Variants in IAH1 observed in about 807,000 individuals in gnomAD.
IAH1 encodes the protein isoamyl acetate hydrolyzing esterase 1 (putative), also known as isoamyl acetate-hydrolyzing esterase 1 homolog.
In IAH1, 24 loss-of-function variants were observed where a neutral mutation model predicts 26.7. That is an observed-to-expected ratio of 0.90 (90% CI 0.65 to 1.26). IAH1 has a LOEUF of 1.26. Among genes scored for constraint, IAH1 ranks in the 50% most tolerant of loss-of-function variants. The pLI is 0.00. For missense variants in IAH1, 300 were observed against 299.9 expected, an observed-to-expected ratio of 1.00 and a Z score of 0.00; for synonymous variants, 140 against 118.5, an observed-to-expected ratio of 1.18 and a Z score of -1.18.
chr2:9,501,823 A>T, the IAH1 span, among the ~76,000 whole-genome samples: 4 of 152,198 alleles, frequency 2.6e-5, no homozygotes, highest in Non-Finnish European at 5.9e-5. Flanking sequence ...TGAATTTTTT[A>T]AAAGTAAATT....
In IAH1 at chr2:9,481,415, A is replaced by G. The variant is rs758101881; in HGVS notation, c.413A>G (p.Glu138Gly). ...VILITPTPLCETAWEEQCIIQ... is the reference protein window; with the variant it reads ...VILITPTPLCGTAWEEQCIIQ... ...CTCATCACGCCGACCCCACTTTGTG[A>G]AACAGCCTGGGAAGAACAGTGCATC... The change falls in exon 4 of 6, where the codon GAA becomes GGA. Residue 138 changes from glutamate to glycine, a missense_variant. By Grantham distance (98) the Glu-to-Gly change is moderately conservative (BLOSUM62 -2). Transcript: ENST00000497473. 1.2e-6 allele frequency: 2 copies of G among 1,614,192 alleles called. No homozygotes were observed. The highest frequency in any genetic ancestry group is 1.7e-6 in the Non-Finnish European group (2 of 1,180,026).
chr2:9,477,858 A>G (rs914068177), intron 2 of IAH1, among the ~76,000 whole-genome samples: 1 of 152,222 alleles, frequency 6.6e-6, no homozygotes, highest in African/African-American at 2.4e-5. Flanking sequence ...TTTAAGTTCC[A>G]GGATATTAGT....
chr2:9,475,180 T>C (rs1235736352), intron 1 of IAH1: 1 of 1,288,846 alleles, frequency 7.8e-7, no homozygotes, highest in African/African-American at 1.5e-5. Context: ...TCCAAGATCA[T>C]CTCACCTCCC....
rs1558486068 is a variant in IAH1, at chr2:9,488,280, T to C, written c.698T>C (p.Val233Ala). 1.2e-6 allele frequency: 2 copies of C among 1,613,174 alleles called. No individual in the cohort carries two copies. Among genetic ancestry groups the C allele is most frequent in the Non-Finnish European group, 1.7e-6 (2 of 1,179,806 alleles). Residue 233 changes from valine (V) to alanine (A), a missense_variant, in exon 6 of 6, where the codon GTA becomes GCA. By Grantham distance (64) the Val-to-Ala change is moderately conservative. Transcript: ENST00000497473. ...LPLLLPYWRDVAEAKPELSLL... is the reference protein window; with the variant it reads ...LPLLLPYWRDAAEAKPELSLL... ...TTGCTGCTTCCTTACTGGCGGGATGTAGCAGAAGCAAAACCTGAATTAAGT... is the reference window on the plus strand; with the variant it reads ...TTGCTGCTTCCTTACTGGCGGGATGCAGCAGAAGCAAAACCTGAATTAAGT...
intron 4 of IAH1, among the ~76,000 whole-genome samples, chr2:9,481,772 G>C (rs1049790928): frequency 2.8e-5 from 4 of 144,244 alleles, no homozygotes; most frequent in Admixed American, 2.1e-4. Context: ...CTCGGCCTGC[G>C]GGGGCTGATG....
intron 6 of IAH1, among the ~76,000 whole-genome samples, chr2:9,495,671 G>A (rs1040778997): frequency 1.3e-5 from 2 of 148,858 alleles, no homozygotes; most frequent in Admixed American, 6.7e-5. Context: ...CTGAGATCGC[G>A]CCACTGCACT....
chr2:9,477,568 G>A (rs763702148), intron 2 of IAH1, among the ~76,000 whole-genome samples: 9 of 151,832 alleles, frequency 5.9e-5, no homozygotes, highest in Non-Finnish European at 1.0e-4. Flanking sequence ...TCCTTAACTG[G>A]GATTCTCCTC....
chr2:9,476,967 C>T (rs1660839429), intron 2 of IAH1, among the ~76,000 whole-genome samples: 1 of 152,166 alleles, frequency 6.6e-6, no homozygotes. Context: ...ACTGCAGCCT[C>T]CACCTCTGGG....
At chr2:9,487,821 TGTGTGTGTGTGTGCGC>T (rs1334705782) in intron 5 of IAH1, among the ~76,000 whole-genome samples, 71 of 92,314 alleles carry the variant, frequency 7.7e-4, no homozygotes, top group African/African-American at 2.4e-3. Flanking sequence ...TGTGTGTGTG[TGTGTGTGTGTGTGCGC>T]GCGCGCGCGC....
chr2:9,479,315 CAG>C (rs1312537945), intron 3 of IAH1, among the ~76,000 whole-genome samples: 1 of 151,842 alleles, frequency 6.6e-6, no homozygotes. Context: ...GAGGAAGCCA[CAG>C]AGGAAAAACA....
At chr2:9,482,032 CTT>C (rs58813442) in intron 4 of IAH1, among the ~76,000 whole-genome samples, 14 of 134,576 alleles carry the variant, frequency 1.0e-4, no homozygotes, top group Admixed American at 2.3e-4. Context: ...TGGAAGTTCT[CTT>C]TTTTTTTTTT....
chr2:9,489,622 AT>A lies in IAH1; in HGVS notation c.*1294del, dbSNP rs1156496069. 6.6e-6 allele frequency: 1 copy of A among 151,158 alleles called. No homozygotes were observed. Among genetic ancestry groups the A allele is most frequent in the African/African-American group, 2.5e-5 (1 of 40,816 alleles). 9.4% of individuals were successfully genotyped at this position (151,158 alleles called of 1,614,324 possible). A position where few individuals can be genotyped will look rare whatever the true frequency, so the allele number is the denominator to read the frequency against. On this transcript the variant is annotated 3_prime_UTR_variant, in exon 6 of 6. Coordinates refer to ENST00000497473, the MANE Select transcript of IAH1 (RefSeq NM_001039613.3). ...CCAAATGATTTCTAAATTTAGATATATATTTTCCCTGCTACATAAAAACTCT... is the reference window on the plus strand; with the variant it reads ...CCAAATGATTTCTAAATTTAGATATAATTTTCCCTGCTACATAAAAACTCT...
At chr2:9,496,925 C>G (rs1043718191), downstream of IAH1, among the ~76,000 whole-genome samples, 16 of 152,184 alleles carry the variant, frequency 1.1e-4, no homozygotes, top group Admixed American at 5.9e-4. Flanking sequence ...GGATAGGTCT[C>G]CCAGGTATGG....
chr2:9,507,618 G>T, the IAH1 span, among the ~76,000 whole-genome samples: 1 of 152,122 alleles, frequency 6.6e-6, no homozygotes, highest in East Asian at 1.9e-4. Flanking sequence ...AATATGATGT[G>T]CTCAGGACAA....
chr2:9,499,626 TCTC>T (rs1365606473), downstream of IAH1, among the ~76,000 whole-genome samples: 1 of 152,098 alleles, frequency 6.6e-6, no homozygotes, highest in Non-Finnish European at 1.5e-5. Flanking sequence ...ATGGTCTCGA[TCTC>T]CTGATCTCGT....
chr2:9,487,957 C>T (rs1661705332), intron 5 of IAH1, among the ~76,000 whole-genome samples, 190 bp from the exon 6 acceptor site: 1 of 152,050 alleles, frequency 6.6e-6, no homozygotes, highest in Non-Finnish European at 1.5e-5. Flanking sequence ...TCTTCGCCTC[C>T]CAAGTAGGTG....
chr2:9,477,957 G>A (rs907621499), intron 2 of IAH1, among the ~76,000 whole-genome samples: 6 of 152,114 alleles, frequency 3.9e-5, no homozygotes, highest in African/African-American at 1.4e-4. Context: ...TTGAAGTCAG[G>A]TAGTCTGTAG....
chr2:9,504,703 A>C, the IAH1 span, among the ~76,000 whole-genome samples: 28 of 150,738 alleles, frequency 1.9e-4, no homozygotes, highest in East Asian at 4.9e-3. Flanking sequence ...CAAAGATTGC[A>C]GTAAGCCAAG....
chr2:9,507,508 C>A, the IAH1 span, among the ~76,000 whole-genome samples: 1 of 152,106 alleles, frequency 6.6e-6, no homozygotes, highest in African/African-American at 2.4e-5. Context: ...CTCAAAAAAT[C>A]ATAATAAATA....
Sources: gnomAD v4.1 joint callset for allele counts (sites outside exome capture counted in the v4.1 genomes callset) on GRCh38, gnomAD v4.1.1 for gene constraint, MANE v1.5 for transcripts, NCBI Gene and HGNC (gene_info 2026-07-23, HGNC 2026-07-21) for gene names.